Variants in AP4M1 observed in about 807,000 individuals in gnomAD.
AP4M1 encodes the protein adaptor related protein complex 4 subunit mu 1.
In AP4M1, 58 loss-of-function variants were observed where a neutral mutation model predicts 62.4. The ratio of observed to expected loss-of-function variants is 0.93; its 90% CI spans 0.75 to 1.16. AP4M1 has a LOEUF of 1.16. Ranked by LOEUF, AP4M1 falls within the 50% of genes most tolerant of loss-of-function variation. The pLI is 0.00. For missense variants in AP4M1, 626 were observed against 585.4 expected, an observed-to-expected ratio of 1.07 and a Z score of -0.72; for synonymous variants, 290 against 239.7, an observed-to-expected ratio of 1.21 and a Z score of -1.94.
rs1243805008 is a variant in AP4M1, at chr7:100,109,022, G to GAA, written c.*2153_*2154dup. 6 of 131,590 alleles carry GAA rather than the reference G, an allele frequency of 4.6e-5. No individual in the cohort carries two copies. The highest frequency in any genetic ancestry group is 6.5e-5 in the Non-Finnish European group (4 of 61,374). The allele number at this position is 131,590 out of a possible 1,614,324, so 8.2% of individuals were successfully genotyped here. On this transcript the variant is annotated 3_prime_UTR_variant, in exon 15 of 15. Coordinates refer to ENST00000359593, the MANE Select transcript of AP4M1 (RefSeq NM_004722.4). ...TGGGTGACAGAGTGAGACTGTCTCA[G>GAA]AAAAAAAAAAAAAAGAATGGCTGGG...
Position 100,106,737 on chromosome 7 carries a change from G to A in AP4M1, c.1217G>A (p.Ser406Asn), listed in dbSNP as rs767954746. The A allele has an allele frequency of 5.0e-6, 8 of 1,613,904 alleles. No homozygotes were observed. The highest frequency in any genetic ancestry group is 6.8e-6 in the Non-Finnish European group (8 of 1,180,058). ...TCTCCTCTGGGGCTGGGCCCTGCCA[G>A]TCTCTCCTTCGAGCTTCCCCGGCAC... ...SASPLGLGPA[S>N]LSFELPRHTC... The change falls in exon 15 of 15, where the codon AGT becomes AAT. Residue 406 changes from serine (S) to asparagine (N), a missense_variant. By Grantham distance (46) the Ser-to-Asn change is conservative (BLOSUM62 1). Coordinates refer to ENST00000359593, the MANE Select transcript of AP4M1 (RefSeq NM_004722.4).
rs759354272 is a variant in AP4M1 at position 100,106,521 on chromosome 7, G to A, written c.1137+7G>A. 1.7e-5 allele frequency: 28 copies of A among 1,611,490 alleles called. No homozygotes were observed. Among genetic ancestry groups the A allele is most frequent in the Admixed American group, 5.0e-5 (3 of 59,962 alleles). On this transcript the variant is annotated splice_region_variant and intron_variant, in intron 14 of 14. Coordinates refer to ENST00000359593, the MANE Select transcript of AP4M1 (RefSeq NM_004722.4). ...ACTCTCAGGCCTTTTCCAGGTATTCGCTGTGGACCCCCAGCCCCTCTCCTC... is the reference window on the plus strand; with the variant it reads ...ACTCTCAGGCCTTTTCCAGGTATTCACTGTGGACCCCCAGCCCCTCTCCTC...
In AP4M1 at chr7:100,105,283, C is replaced by G; in HGVS notation, c.771C>G (p.Ser257Arg). The stretch of plus-strand genomic sequence containing the variant: ...GGGTCGATGAAGTCTCGTTTCACAG[C>G]TCTGTGAATCTGGACGAATTTGAGT... ...GIRVDEVSFH[S>R]SVNLDEFESH... Residue 257 changes from serine to arginine, a missense_variant, in exon 10 of 15, where the codon AGC becomes AGG. Transcript: ENST00000359593. 1 of 1,614,150 alleles carries G rather than the reference C, an allele frequency of 6.2e-7. No homozygotes were observed. The highest frequency in any genetic ancestry group is 8.5e-7 in the Non-Finnish European group (1 of 1,180,036).
At position 100,106,684 on chromosome 7, in the gene AP4M1, TC is replaced by T; in HGVS notation, c.1167del (p.Ser390AlafsTer54). The T allele has an allele frequency of 6.2e-7, 1 of 1,609,842 alleles. No individual in the cohort carries two copies. The highest frequency in any genetic ancestry group is 8.5e-7 in the Non-Finnish European group (1 of 1,179,194). ...TGGACGTCCCAGGGCCCCCAGGACC[TC>T]CCAGCCATGGGCTCTCCACCTCGGC... ...QMDVPGPPGP[P>X]SHGLSTSASP... On this transcript the variant is annotated frameshift_variant, in exon 15 of 15. Coordinates refer to ENST00000359593, the MANE Select transcript of AP4M1 (RefSeq NM_004722.4). LOFTEE classifies it high-confidence loss of function.
rs779864652 is a variant in AP4M1, at chr7:100,107,974, G to C, written c.*1092G>C. On this transcript the variant is annotated 3_prime_UTR_variant, in exon 15 of 15. Coordinates refer to ENST00000359593, the MANE Select transcript of AP4M1 (RefSeq NM_004722.4). Reference sequence around the variant, plus strand: ...AGGACGATGACATTACAATAAACTTGGTTGGAGGAGGGGAAGGCTGTGGTG... The same window carrying C: ...AGGACGATGACATTACAATAAACTTCGTTGGAGGAGGGGAAGGCTGTGGTG... 9 of 1,614,048 alleles carry C rather than the reference G, an allele frequency of 5.6e-6. No homozygotes were observed. The East Asian group carries it at 2.0e-4, about 36-fold the overall frequency.
At position 100,103,670 on chromosome 7, in the gene AP4M1, T is replaced by C. The variant is rs1321292008; in HGVS notation, c.521T>C (p.Val174Ala). Reference protein sequence around the residue: ...VAPSSAASRPVLSSRSDQSQK... With the variant: ...VAPSSAASRPALSSRSDQSQK... Reference sequence around the variant, plus strand: ...CCCAGCAGTGCAGCCAGCCGCCCCGTCCTGTCCAGTCGCTCTGACCAGGTG... The same window carrying C: ...CCCAGCAGTGCAGCCAGCCGCCCCGCCCTGTCCAGTCGCTCTGACCAGGTG... The change falls in exon 6 of 15, where the codon GTC becomes GCC. Residue 174 changes from valine (V) to alanine (A), a missense_variant. Val to Ala is a moderately conservative substitution (Grantham distance 64, BLOSUM62 0). Transcript: ENST00000359593. The C allele has an allele frequency of 1.2e-6, 2 of 1,612,766 alleles. No individual in the cohort carries two copies. The highest frequency in any genetic ancestry group is 1.7e-5 in the Admixed American group (1 of 59,996).
intron 2 of AP4M1, 73 bp downstream of exon 2, chr7:100,102,041 C>G (rs551818444): frequency 2.6e-6 from 4 of 1,530,716 alleles, no homozygotes; most frequent in Admixed American, 1.7e-5. Context: ...CCTCCCAGGA[C>G]TGGTTCATTG....
chr7:100,103,764 G>A (rs181823309), intron 6 of AP4M1, 72 bp downstream of exon 6: 14 of 1,524,740 alleles, frequency 9.2e-6, no homozygotes, highest in South Asian at 2.2e-5. Context: ...ATCTTAGGTC[G>A]GGCACAGCGG....
Position 100,104,947 on chromosome 7 carries a change from C to T in AP4M1, c.673+7C>T, listed in dbSNP as rs753446678. 7.6e-5 allele frequency: 123 copies of T among 1,613,990 alleles called. No individual in the cohort carries two copies. Among genetic ancestry groups the T allele is most frequent in the Middle Eastern group, 1.6e-4 (1 of 6,084 alleles). ...TTCCTTCCTAGCGGCTCTGGTGAGG[C>T]ATCTGCAGGCAGGACCAAGGGTTGG... On this transcript the variant is annotated splice_region_variant and intron_variant, in intron 8 of 14. Coordinates refer to ENST00000359593, the MANE Select transcript of AP4M1 (RefSeq NM_004722.4).
At position 100,109,022 on chromosome 7, in the gene AP4M1, GA is replaced by G. The variant is rs1243805008; in HGVS notation, c.*2154del. 343 of 131,404 alleles carry G rather than the reference GA, an allele frequency of 2.6e-3. No individual in the cohort carries two copies. The highest frequency in any genetic ancestry group is 8.1e-3 in the Admixed American group (103 of 12,672). 8.1% of individuals were successfully genotyped at this position (131,404 alleles called of 1,614,324 possible). On this transcript the variant is annotated 3_prime_UTR_variant, in exon 15 of 15. Coordinates refer to ENST00000359593, the MANE Select transcript of AP4M1 (RefSeq NM_004722.4). ...TGGGTGACAGAGTGAGACTGTCTCA[GA>G]AAAAAAAAAAAAAGAATGGCTGGGT...
chr7:100,108,015 C>G lies in AP4M1; in HGVS notation c.*1133C>G. ...GGCTGTGGTGGGGCAGCCGCTCGTG[C>G]AGACACCAGTGTCTGGACAGGAAGT... On this transcript the variant is annotated 3_prime_UTR_variant, in exon 15 of 15. Coordinates refer to ENST00000359593, the MANE Select transcript of AP4M1 (RefSeq NM_004722.4). 1 of 1,613,882 alleles carries G rather than the reference C, an allele frequency of 6.2e-7. No individual in the cohort carries two copies. The highest frequency in any genetic ancestry group is 8.5e-7 in the Non-Finnish European group (1 of 1,179,976).
Position 100,104,126 on chromosome 7 carries a change from A to C in AP4M1, c.578A>C (p.Glu193Ala). 4 of 1,613,986 alleles carry C rather than the reference A, an allele frequency of 2.5e-6. No individual in the cohort carries two copies. The highest frequency in any genetic ancestry group is 3.4e-6 in the Non-Finnish European group (4 of 1,179,946). The change falls in exon 7 of 15, where the codon GAG becomes GCG. Residue 193 changes from glutamate to alanine, a missense_variant. Glu to Ala is a moderately radical substitution (Grantham distance 107). Coordinates refer to ENST00000359593, the MANE Select transcript of AP4M1 (RefSeq NM_004722.4). ...AATGAAGTTTTTTTGGATGTGGTCGAGAGATTGTCTGTACTGATAGCATCT... is the reference window on the plus strand; with the variant it reads ...AATGAAGTTTTTTTGGATGTGGTCGCGAGATTGTCTGTACTGATAGCATCT... ...QKNEVFLDVVERLSVLIASNG... is the reference protein window; with the variant it reads ...QKNEVFLDVVARLSVLIASNG...
At chr7:100,101,371 G>C (rs994686589), upstream of AP4M1, 23 of 1,593,036 alleles carry the variant, frequency 1.4e-5, no homozygotes, top group Admixed American at 3.2e-4. Flanking sequence ...TCTCCGCGCG[G>C]TGGACTGTGG....
In AP4M1 at chr7:100,106,802, T is replaced by G; in HGVS notation, c.1282T>G (p.Phe428Val). The change falls in exon 15 of 15, where the codon TTC becomes GTC. Residue 428 changes from phenylalanine to valine, a missense_variant. Coordinates refer to ENST00000359593, the MANE Select transcript of AP4M1 (RefSeq NM_004722.4). ...CCAGGTCCGATTCCTCAGGCTGGCCTTCAGGCCATGCGGCAATGCCAACCC... is the reference window on the plus strand; with the variant it reads ...CCAGGTCCGATTCCTCAGGCTGGCCGTCAGGCCATGCGGCAATGCCAACCC... ...GLQVRFLRLAFRPCGNANPHK... is the reference protein window; with the variant it reads ...GLQVRFLRLAVRPCGNANPHK... The G allele has an allele frequency of 6.2e-7, 1 of 1,614,072 alleles. No individual in the cohort carries two copies. The highest frequency in any genetic ancestry group is 8.5e-7 in the Non-Finnish European group (1 of 1,180,042).
At chr7:100,106,571 C>G in intron 14 of AP4M1, 57 bp downstream of exon 14, 2 of 1,546,194 alleles carry the variant, frequency 1.3e-6, no homozygotes, top group Non-Finnish European at 1.8e-6. Context: ...AGCCCCCACC[C>G]CACCCTCCCG....
chr7:100,105,972 C>T lies in AP4M1; in HGVS notation c.943C>T (p.Leu315=). 1 of 1,614,092 alleles carries T rather than the reference C, an allele frequency of 6.2e-7. No homozygotes were observed. The highest frequency in any genetic ancestry group is 1.1e-5 in the South Asian group (1 of 91,082). The change falls in exon 12 of 15, where the codon CTA becomes TTA. Residue 315 remains leucine, a synonymous_variant. Coordinates refer to ENST00000359593, the MANE Select transcript of AP4M1 (RefSeq NM_004722.4). ...DRGSGRLQVY[L]KLRCDLLSKS... ...CCTCTCATCCAGGCTCCAGGTTTAT[C>T]TAAAGTTGCGATGTGACCTGCTCTC... is the stretch of plus-strand genomic sequence containing the variant.
Position 100,107,725 on chromosome 7 carries a change from C to G in AP4M1, c.*843C>G. The G allele has an allele frequency of 6.7e-7, 1 of 1,490,652 alleles. No individual in the cohort carries two copies. Among genetic ancestry groups the G allele is most frequent in the Non-Finnish European group, 9.0e-7 (1 of 1,116,564 alleles). 92.3% of individuals were successfully genotyped at this position (1,490,652 alleles called of 1,614,324 possible). ...CGCTCCCTGCCTGAACAAGTTGTTC[C>G]TGTAGTTCACCCTGTAGACAGCTAT... On this transcript the variant is annotated 3_prime_UTR_variant, in exon 15 of 15. Coordinates refer to ENST00000359593, the MANE Select transcript of AP4M1 (RefSeq NM_004722.4).
chr7:100,107,536 C>T lies in AP4M1; in HGVS notation c.*654C>T, dbSNP rs758662299. 11 of 1,613,818 alleles carry T rather than the reference C, an allele frequency of 6.8e-6. No individual in the cohort carries two copies. The highest frequency in any genetic ancestry group is 2.2e-5 in the East Asian group (1 of 44,888). On this transcript the variant is annotated 3_prime_UTR_variant, in exon 15 of 15. Coordinates refer to ENST00000359593, the MANE Select transcript of AP4M1 (RefSeq NM_004722.4). ...GTGGTGGCGGTGGAGACCAACTTGA[C>T]GATGGGCTGCACGCTGGGGACGGTG...
In AP4M1 at chr7:100,101,769, GAC is replaced by G; in HGVS notation, c.56_57del (p.Asp19ValfsTer96). The G allele has an allele frequency of 6.5e-7, 1 of 1,548,378 alleles. No individual in the cohort carries two copies. On this transcript the variant is annotated frameshift_variant and splice_region_variant, in exon 1 of 15. Transcript: ENST00000359593. LOFTEE classifies it high-confidence loss of function. ...CAAGGGGGACCCGCTCATCTACAAA[GAC>G]TGTATCCTAGACCCTTGGGGCTGGG... ...SSKGDPLIYK[D>X]FRGDSGGRDV...
Sources: gnomAD v4.1 joint callset for allele counts on GRCh38, gnomAD v4.1.1 for gene constraint, MANE v1.5 for transcripts, NCBI Gene and HGNC (gene_info 2026-07-23, HGNC 2026-07-21) for gene names.